ADCY8: variants seen among roughly 807,000 people sequenced by gnomAD.
ADCY8 encodes the protein adenylate cyclase 8.
ADCY8 carries 51 observed loss-of-function variants against 119.7 expected under a neutral mutation model. That is an observed-to-expected ratio of 0.43 (90% CI 0.34 to 0.54). ADCY8 has a LOEUF of 0.54. Among genes scored for constraint, ADCY8 ranks in the 20% least tolerant of loss-of-function variants. The pLI, the probability that ADCY8 is intolerant of heterozygous loss-of-function variation, is 0.03. For missense variants in ADCY8, 1,383 were observed against 1,598.8 expected (o/e 0.87, Z 2.30); for synonymous variants, 665 against 651.0 (o/e 1.02, Z -0.33).
chr8:130,894,460 A>G (rs1586543530), intron 7 of ADCY8, among the ~76,000 whole-genome samples: 1 of 152,166 alleles, frequency 6.6e-6, no homozygotes, highest in Non-Finnish European at 1.5e-5. Context: ...ACTTCATACA[A>G]TGTATCCAAA....
intron 1 of ADCY8, among the ~76,000 whole-genome samples, chr8:131,035,245 C>T (rs540084452): frequency 2.6e-5 from 4 of 151,970 alleles, no homozygotes; most frequent in Non-Finnish European, 5.9e-5. Flanking sequence ...CGATTGTAGC[C>T]CTAGTGCTAC....
At chr8:130,952,024 C>T (rs1241695929) in intron 2 of ADCY8, 26 bp from the exon 3 acceptor site, 1 of 1,611,202 alleles carries the variant, frequency 6.2e-7, no homozygotes, top group African/African-American at 1.3e-5. Flanking sequence ...AGGGACGGTC[C>T]TGTTAGGCTG....
intron 14 of ADCY8, among the ~76,000 whole-genome samples, chr8:130,802,901 C>G (rs760316401): frequency 9.2e-5 from 14 of 152,228 alleles, no homozygotes; most frequent in Non-Finnish European, 2.1e-4. Flanking sequence ...GCTCCCTCGC[C>G]CCTTGGGCCT....
intron 9 of ADCY8, among the ~76,000 whole-genome samples, chr8:130,851,710 C>T (rs1487385214): frequency 6.6e-6 from 1 of 152,036 alleles, no homozygotes; most frequent in Non-Finnish European, 1.5e-5. Context: ...GTATATTAAT[C>T]TGTGTTTTGT....
chr8:130,948,778 G>T (rs1249383325), intron 3 of ADCY8, among the ~76,000 whole-genome samples: 2 of 152,096 alleles, frequency 1.3e-5, no homozygotes, highest in Non-Finnish European at 2.9e-5. Flanking sequence ...TGGGGGCTGG[G>T]GAAGCGGGTG....
At chr8:130,868,227 T>C (rs891841196) in intron 8 of ADCY8, among the ~76,000 whole-genome samples, 1 of 152,120 alleles carries the variant, frequency 6.6e-6, no homozygotes, top group Non-Finnish European at 1.5e-5. Context: ...AGAGCGCACA[T>C]CCATATATGC....
intron 2 of ADCY8, among the ~76,000 whole-genome samples, chr8:130,972,953 A>G (rs1459322974): frequency 3.3e-5 from 5 of 152,082 alleles, no homozygotes; most frequent in African/African-American, 1.2e-4. Context: ...TGTGAAAATG[A>G]CAACTAGAGT....
intron 8 of ADCY8, among the ~76,000 whole-genome samples, chr8:130,872,470 T>C (rs960809880): frequency 1.3e-5 from 2 of 152,188 alleles, no homozygotes; most frequent in African/African-American, 4.8e-5. Context: ...TGTTCATAGG[T>C]GCATGATCAG....
chr8:130,881,681 T>C (rs1818777603), intron 8 of ADCY8, among the ~76,000 whole-genome samples: 2 of 152,102 alleles, frequency 1.3e-5, no homozygotes, highest in African/African-American at 4.8e-5. Context: ...ATAAAAATGT[T>C]CAATTTTCCT....
intron 1 of ADCY8, among the ~76,000 whole-genome samples, chr8:131,025,771 T>C (rs1019337289): frequency 6.6e-6 from 1 of 152,228 alleles, no homozygotes; most frequent in African/African-American, 2.4e-5. Flanking sequence ...GTTGCACAAG[T>C]GCAGGGTCAG....
At chr8:130,824,097 A>G (rs1260406928) in intron 12 of ADCY8, among the ~76,000 whole-genome samples, 1 of 152,198 alleles carries the variant, frequency 6.6e-6, no homozygotes, top group Non-Finnish European at 1.5e-5. Flanking sequence ...AGCCAGGATG[A>G]GAACTCATAG....
At chr8:130,870,018 C>CCTTTTTTTTTTTTTTTTTT (rs1554610130) in intron 8 of ADCY8, among the ~76,000 whole-genome samples, 1 of 115,884 alleles carries the variant, frequency 8.6e-6, no homozygotes, top group Non-Finnish European at 1.8e-5. Context: ...CTTTCTTCTT[C>CCTTTTTTTTTTTTTTTTTT]TTTTTTTTTT....
chr8:131,012,039 T>C lies in ADCY8; in HGVS notation c.961-21497A>G, dbSNP rs567998901. ...ATTACCATCACTCCCAGGAACCCAT[T>C]TGGGGAGCCTGGCATCTCAGAACCA... On this transcript the variant is annotated intron_variant, in intron 1 of 17. Transcript: ENST00000286355. Among the ~76,000 whole-genome samples the C allele has an allele frequency of 6.1e-4, 93 of 152,196 alleles. 1 individual carries two copies. The highest frequency in any genetic ancestry group is 1.2e-3 in the Non-Finnish European group (81 of 67,994).
chr8:131,036,517 G>A (rs1411441660), intron 1 of ADCY8, among the ~76,000 whole-genome samples: 4 of 152,178 alleles, frequency 2.6e-5, no homozygotes, highest in African/African-American at 7.2e-5. Context: ...TCTACAGGCC[G>A]AGGATAAAAT....
chr8:130,972,568 G>A (rs945805859), intron 2 of ADCY8, among the ~76,000 whole-genome samples: 5 of 152,108 alleles, frequency 3.3e-5, no homozygotes, highest in African/African-American at 1.2e-4. Flanking sequence ...ATAGCTTCCC[G>A]AGTCTGAAAA....
intron 2 of ADCY8, among the ~76,000 whole-genome samples, chr8:130,971,067 G>C (rs1295313644): frequency 6.6e-6 from 1 of 152,122 alleles, no homozygotes; most frequent in Non-Finnish European, 1.5e-5. Flanking sequence ...GAAGTCAAAG[G>C]CTAGTGAATC....
In ADCY8 at chr8:130,783,798, T is replaced by C; in HGVS notation, c.3161A>G (p.Glu1054Gly). 1 of 1,612,330 alleles carries C rather than the reference T, an allele frequency of 6.2e-7. No homozygotes were observed. Among genetic ancestry groups the C allele is most frequent in the South Asian group, 1.1e-5 (1 of 90,814 alleles). ...SGLSPEKQQC[E>G]DKWGHLCALA... Reference sequence around the variant, plus strand: ...AGCACACAAATGTCCCCACTTGTCTTCACATTGCTGAAGCAAACATGAGGA... The same window carrying C: ...AGCACACAAATGTCCCCACTTGTCTCCACATTGCTGAAGCAAACATGAGGA... Residue 1054 changes from glutamate (E) to glycine (G), a missense_variant, in exon 17 of 18, where the codon GAA (glutamate) becomes GGA (glycine). Physicochemically the swap from Glu to Gly is moderately conservative, Grantham distance 98. Coordinates refer to ENST00000286355, the MANE Select transcript of ADCY8 (RefSeq NM_001115.3).
At chr8:130,998,662 G>T (rs998434543) in intron 1 of ADCY8, among the ~76,000 whole-genome samples, 6 of 152,174 alleles carry the variant, frequency 3.9e-5, no homozygotes, top group Admixed American at 3.3e-4. Flanking sequence ...GGACAGTCAG[G>T]GAGACAAGTT....
At chr8:130,989,604 G>A (rs754656826) in intron 2 of ADCY8, among the ~76,000 whole-genome samples, 8 of 152,116 alleles carry the variant, frequency 5.3e-5, no homozygotes, top group Admixed American at 1.3e-4. Flanking sequence ...ACAAGTTGAT[G>A]CTAAAATCAG....
Sources: gnomAD v4.1 joint callset for allele counts (sites outside exome capture counted in the v4.1 genomes callset) on GRCh38, gnomAD v4.1.1 for gene constraint, MANE v1.5 for transcripts, NCBI Gene and HGNC (gene_info 2026-07-23, HGNC 2026-07-21) for gene names.